Variants in ARHGAP42 observed in about 807,000 individuals in gnomAD.
ARHGAP42 encodes the protein Rho GTPase activating protein 42, also known as rho GTPase-activating protein 42.
In ARHGAP42, 63 loss-of-function variants were observed where a neutral mutation model predicts 125.0. The ratio of observed to expected loss-of-function variants is 0.50; its 90% confidence interval spans 0.41 to 0.62. ARHGAP42 has a LOEUF of 0.62. Among genes scored for constraint, ARHGAP42 ranks in the 20% least tolerant of loss-of-function variants. The pLI is 0.00. For synonymous variants in ARHGAP42, 339 were observed against 351.0 expected, an observed-to-expected ratio of 0.97 and a Z score of 0.38; for missense variants, 766 against 1,024.2, an observed-to-expected ratio of 0.75 and a Z score of 3.44.
At chr11:100,863,032 C>T (rs1478537007) in intron 4 of ARHGAP42, among the ~76,000 whole-genome samples, 5 of 51,070 alleles carry the variant, frequency 9.8e-5, no homozygotes, top group Non-Finnish European at 1.9e-4. Flanking sequence ...AGCGAAACTC[C>T]GTCTCAAAAA....
At chr11:100,879,303 T>A (rs1047714084) in intron 4 of ARHGAP42, among the ~76,000 whole-genome samples, 3 of 152,166 alleles carry the variant, frequency 2.0e-5, no homozygotes, top group Non-Finnish European at 4.4e-5. Context: ...GGGTTATCCT[T>A]GGTTTTTGAA....
chr11:100,854,956 A>G, intron 3 of ARHGAP42, among the ~76,000 whole-genome samples: 1 of 152,194 alleles, frequency 6.6e-6, no homozygotes, highest in South Asian at 2.1e-4. Flanking sequence ...AAGACGGTGT[A>G]GATAGCTTCT....
chr11:100,896,046 A>G (rs924844902), intron 4 of ARHGAP42, among the ~76,000 whole-genome samples: 1 of 151,922 alleles, frequency 6.6e-6, no homozygotes, highest in Non-Finnish European at 1.5e-5. Flanking sequence ...CCTGTGTCCA[A>G]GTGTTCTCAT....
chr11:100,816,229 T>G (rs1234586564), intron 3 of ARHGAP42, among the ~76,000 whole-genome samples: 1 of 152,200 alleles, frequency 6.6e-6, no homozygotes, highest in Non-Finnish European at 1.5e-5. Flanking sequence ...ACTGCCATCC[T>G]GTTTTCTATA....
chr11:100,837,653 T>A (rs1228021897), intron 3 of ARHGAP42, among the ~76,000 whole-genome samples: 10 of 136,846 alleles, frequency 7.3e-5, no homozygotes, highest in African/African-American at 2.4e-4. Flanking sequence ...GTTCCCAGAA[T>A]CTAGGTGTCA....
chr11:100,907,246 T>A (rs1177085062), intron 4 of ARHGAP42, among the ~76,000 whole-genome samples: 1 of 152,238 alleles, frequency 6.6e-6, no homozygotes, highest in Non-Finnish European at 1.5e-5. Context: ...TTTGAACAAC[T>A]CTTCATATGC....
chr11:100,695,955 A>T (rs1254419402), intron 1 of ARHGAP42, among the ~76,000 whole-genome samples: 1 of 152,142 alleles, frequency 6.6e-6, no homozygotes, highest in African/African-American at 2.4e-5. Flanking sequence ...GCTGGGCGTG[A>T]TGGCTTACAG....
intron 4 of ARHGAP42, among the ~76,000 whole-genome samples, chr11:100,906,694 CTTT>C (rs764824674): frequency 2.6e-5 from 4 of 151,984 alleles, no homozygotes; most frequent in Non-Finnish European, 5.9e-5. Flanking sequence ...TGATATCCTT[CTTT>C]ATGTTTTAAA....
Position 100,967,148 on chromosome 11 carries a change from C to A in ARHGAP42, c.1550+1372C>A, listed in dbSNP as rs775881554. ...TAATAACACTCTTGATCCCTGGCAA[C>A]CTTTCATGGCTGAAAAAAAATTAGG... On this transcript the variant is annotated intron_variant, in intron 17 of 23. Transcript: ENST00000298815. 7.7e-4 allele frequency among the ~76,000 whole-genome samples: 117 copies of A among 152,160 alleles called. 1 individual carries two copies. The highest frequency in any genetic ancestry group is 1.5e-3 in the Non-Finnish European group (101 of 68,040).
intron 4 of ARHGAP42, among the ~76,000 whole-genome samples, chr11:100,866,188 TA>T (rs1381864938): frequency 1.3e-5 from 2 of 152,320 alleles, no homozygotes; most frequent in African/African-American, 4.8e-5. Flanking sequence ...CCTCATCCTT[TA>T]AGTTTGACAT....
At chr11:100,899,727 TTTTTTTG>T (rs1459548296) in intron 4 of ARHGAP42, among the ~76,000 whole-genome samples, 4 of 121,240 alleles carry the variant, frequency 3.3e-5, no homozygotes, top group African/African-American at 8.6e-5. Context: ...GTTTTGTTTT[TTTTTTTG>T]TTTTTTTTTG....
At chr11:100,715,512 T>C (rs1188822610) in intron 1 of ARHGAP42, among the ~76,000 whole-genome samples, 1 of 152,242 alleles carries the variant, frequency 6.6e-6, no homozygotes, top group East Asian at 1.9e-4. Context: ...CTCTTGCTTC[T>C]TGTTGCCTGT....
chr11:100,708,194 C>T (rs1462800501), intron 1 of ARHGAP42, among the ~76,000 whole-genome samples: 4 of 152,046 alleles, frequency 2.6e-5, no homozygotes, highest in Non-Finnish European at 5.9e-5. Context: ...TGAGCTGTAC[C>T]TAGCATAGTA....
At chr11:100,826,129 G>A (rs1864511074) in intron 3 of ARHGAP42, among the ~76,000 whole-genome samples, 1 of 151,816 alleles carries the variant, frequency 6.6e-6, no homozygotes, top group Non-Finnish European at 1.5e-5. Context: ...CTCCTTGAAA[G>A]TGTTATATTG....
chr11:100,721,189 A>T (rs1861751907), intron 1 of ARHGAP42, among the ~76,000 whole-genome samples: 1 of 152,202 alleles, frequency 6.6e-6, no homozygotes, highest in Non-Finnish European at 1.5e-5. Flanking sequence ...GCACAATGTC[A>T]TGTATCTACC....
In ARHGAP42 at chr11:100,921,452, A is replaced by G. The variant is rs1249680300; in HGVS notation, c.487-42A>G. On this transcript the variant is annotated intron_variant, in intron 5 of 23. Coordinates refer to ENST00000298815, the MANE Select transcript of ARHGAP42 (RefSeq NM_152432.4). ...CAGAGCAGGAATTGAGTCCCTCTCT[A>G]TGTAGAACCATCAGTAATCACCCTC... 9 of 1,388,232 alleles carry G rather than the reference A, an allele frequency of 6.5e-6. No individual in the cohort carries two copies. In the African/African-American group the frequency reaches 8.8e-5, roughly 14 times the overall value. The allele number at this position is 1,388,232 out of a possible 1,614,324, so 86.0% of individuals were successfully genotyped here. A position where few individuals can be genotyped will look rare whatever the true frequency, so the allele number is the denominator to read the frequency against.
chr11:100,772,502 A>G (rs1863006956), intron 2 of ARHGAP42, among the ~76,000 whole-genome samples: 1 of 152,144 alleles, frequency 6.6e-6, no homozygotes, highest in Non-Finnish European at 1.5e-5. Context: ...GTGATCAAAG[A>G]TGGTCCAGCC....
intron 1 of ARHGAP42, among the ~76,000 whole-genome samples, chr11:100,694,193 A>G (rs1344862025): frequency 6.6e-6 from 1 of 152,104 alleles, no homozygotes; most frequent in Non-Finnish European, 1.5e-5. Context: ...TCAGCTTCCC[A>G]GAGTGCTGGG....
At chr11:100,957,455 A>G (rs557214469) in intron 12 of ARHGAP42, among the ~76,000 whole-genome samples, 2 of 152,148 alleles carry the variant, frequency 1.3e-5, no homozygotes, top group African/African-American at 4.8e-5. Flanking sequence ...TAATAGGCAC[A>G]TTTCCCCTAC....
Sources: gnomAD v4.1 joint callset for allele counts (sites outside exome capture counted in the v4.1 genomes callset) on GRCh38, gnomAD v4.1.1 for gene constraint, MANE v1.5 for transcripts, NCBI Gene and HGNC (gene_info 2026-07-23, HGNC 2026-07-21) for gene names.